The following TENM1 variants were observed in gnomAD, a reference collection of about 807,000 sequenced individuals.
The protein encoded by TENM1 is teneurin transmembrane protein 1, also known as teneurin-1.
Under a neutral mutation model 174.8 loss-of-function variants are expected in TENM1, and 35 were observed. That is an observed-to-expected ratio of 0.20 (90% CI 0.15 to 0.27). The LOEUF (loss-of-function observed/expected upper bound fraction) is 0.27. TENM1 is among the 10% of genes least tolerant of loss of function. The probability of loss-of-function intolerance (pLI) is 1.00; values close to 1 mark genes in which losing one functional copy is unlikely to be tolerated. For missense variants in TENM1, 1,633 were observed against 2,130.1 expected, an observed-to-expected ratio of 0.77 and a Z score of 4.59; for synonymous variants, 781 against 798.7, an observed-to-expected ratio of 0.98 and a Z score of 0.37.
chrX:124,587,004 G>A (rs1369794620), intron 11 of TENM1, among the ~76,000 whole-genome samples: 1 of 110,404 alleles, frequency 9.1e-6, no homozygotes, highest in African/African-American at 3.3e-5. Context: ...CCTCTTCAAG[G>A]AGAACTACAA....
the TENM1 span, among the ~76,000 whole-genome samples, chrX:125,125,562 T>C: frequency 8.9e-6 from 1 of 111,792 alleles, no homozygotes; most frequent in South Asian, 3.7e-4. Flanking sequence ...AGAAAAGTGG[T>C]CCAAAGCTTT....
intron 3 of TENM1, among the ~76,000 whole-genome samples, chrX:124,856,205 T>C (rs1180543319): frequency 9.0e-6 from 1 of 111,068 alleles, no homozygotes; most frequent in East Asian, 2.8e-4. Context: ...GAGTCTGAAC[T>C]GTCTTTCATG....
chrX:125,105,470 G>A, the TENM1 span, among the ~76,000 whole-genome samples: 65 of 111,520 alleles, frequency 5.8e-4, no homozygotes, highest in African/African-American at 2.1e-3. Flanking sequence ...GGCCTTCCTG[G>A]GTACATGTTC....
At chrX:124,592,971 A>G (rs946341502) in intron 11 of TENM1, among the ~76,000 whole-genome samples, 4 of 110,900 alleles carry the variant, frequency 3.6e-5, no homozygotes, top group Non-Finnish European at 1.9e-5. Flanking sequence ...GTGGCTGCAT[A>G]TATATTTCAT....
chrX:125,041,624 A>G, the TENM1 span, among the ~76,000 whole-genome samples: 1 of 112,310 alleles, frequency 8.9e-6, no homozygotes, highest in Non-Finnish European at 1.9e-5. Flanking sequence ...AAGTCTTAAA[A>G]AATGGATCAT....
chrX:125,136,524 G>A, the TENM1 span, among the ~76,000 whole-genome samples: 1 of 111,778 alleles, frequency 8.9e-6, no homozygotes, highest in Admixed American at 9.6e-5. Context: ...AAGTTGGCAA[G>A]TGGCAAAGGC....
chrX:125,053,383 A>T, the TENM1 span, among the ~76,000 whole-genome samples: 1 of 112,347 alleles, frequency 8.9e-6, no homozygotes, highest in African/African-American at 3.2e-5. Context: ...TTGAAAAAAA[A>T]TTGGGAACTA....
intron 1 of TENM1, among the ~76,000 whole-genome samples, chrX:124,954,277 G>A (rs1271414561): frequency 9.0e-6 from 1 of 110,840 alleles, no homozygotes; most frequent in Non-Finnish European, 1.9e-5. Context: ...AACTGATGAA[G>A]GGGAAAGAGG....
Position 124,450,153 on chromosome X carries a change from T to C in TENM1, c.4104+3184A>G, listed in dbSNP as rs1443652745. Among the ~76,000 whole-genome samples the C allele has an allele frequency of 2.7e-5, 3 of 110,315 alleles. No individual in the cohort carries two copies. The East Asian group carries it at 8.5e-4, about 31-fold the overall frequency. ...TCACGAGATCTGATGGTTTTAAAAATGGGAGTTTTCCCTGGCTAACACAGT... is the reference window on the plus strand; with the variant it reads ...TCACGAGATCTGATGGTTTTAAAAACGGGAGTTTTCCCTGGCTAACACAGT... On this transcript the variant is annotated intron_variant, in intron 23 of 31. Transcript: ENST00000422452.
At chrX:124,409,680 A>G (rs2060508748) in intron 25 of TENM1, among the ~76,000 whole-genome samples, 1 of 107,352 alleles carries the variant, frequency 9.3e-6, no homozygotes, top group African/African-American at 3.4e-5. Flanking sequence ...GTCTCAGGAT[A>G]CAAAATCAAT....
the TENM1 span, among the ~76,000 whole-genome samples, chrX:125,071,661 G>T: frequency 6.3e-5 from 7 of 110,819 alleles, no homozygotes; most frequent in South Asian, 1.5e-3. Flanking sequence ...TAAGATCCAC[G>T]TCCTTCACTA....
chrX:124,545,189 T>C (rs1234050233), intron 15 of TENM1, among the ~76,000 whole-genome samples: 1 of 112,074 alleles, frequency 8.9e-6, no homozygotes, highest in Admixed American at 9.5e-5. Context: ...TGAATTTAAA[T>C]GTGACTTGCA....
the TENM1 span, among the ~76,000 whole-genome samples, chrX:125,155,005 A>C: frequency 9.0e-6 from 1 of 111,619 alleles, no homozygotes; most frequent in Non-Finnish European, 1.9e-5. Flanking sequence ...AAGGGGACCC[A>C]AGCGGGTTGC....
chrX:125,109,960 C>T, the TENM1 span, among the ~76,000 whole-genome samples: 2 of 111,087 alleles, frequency 1.8e-5, no homozygotes, highest in East Asian at 2.8e-4. Context: ...GTGTTTTAAG[C>T]GATTTCTAAG....
the TENM1 span, among the ~76,000 whole-genome samples, chrX:125,027,802 C>T: frequency 9.1e-6 from 1 of 109,402 alleles, no homozygotes; most frequent in Non-Finnish European, 1.9e-5. Context: ...TAAAAAGTAG[C>T]AAAATAAATA....
the TENM1 span, among the ~76,000 whole-genome samples, chrX:125,158,295 C>T: frequency 5.1e-3 from 528 of 104,072 alleles, 6 homozygotes; most frequent in African/African-American, 0.018. Context: ...CCCAGCTACT[C>T]GGGAGGCTGG....
At chrX:124,751,857 A>G (rs1298404101) in intron 3 of TENM1, among the ~76,000 whole-genome samples, 2 of 110,610 alleles carry the variant, frequency 1.8e-5, no homozygotes, top group African/African-American at 6.6e-5. Context: ...TTCCACGGTG[A>G]ATATGTGCCA....
intron 3 of TENM1, among the ~76,000 whole-genome samples, chrX:124,807,728 C>T (rs764273770): frequency 9.0e-6 from 1 of 111,123 alleles, no homozygotes; most frequent in Admixed American, 9.6e-5. Flanking sequence ...TAAAAATTGT[C>T]ATCAAAGTTA....
intron 22 of TENM1, among the ~76,000 whole-genome samples, chrX:124,470,635 A>T (rs12388868): frequency 0.048 from 5,309 of 110,513 alleles, 102 homozygotes; most frequent in South Asian, 0.074. Flanking sequence ...ACTCTTTTTT[A>T]AAAAAAATAA....
Sources: allele counts gnomAD v4.1 joint callset (sites outside exome capture counted in the v4.1 genomes callset), GRCh38; gene constraint gnomAD v4.1.1; transcripts MANE v1.5; gene names NCBI Gene and HGNC (gene_info 2026-07-23, HGNC 2026-07-21).